SLIT3: variants seen among roughly 807,000 people sequenced by gnomAD.
SLIT3 encodes the protein slit homolog 3 protein.
SLIT3 carries 68 observed loss-of-function variants against 184.0 expected under a neutral mutation model. The ratio of observed to expected loss-of-function variants is 0.37; its 90% CI spans 0.30 to 0.45. SLIT3 has a LOEUF of 0.45. Among genes scored for constraint, SLIT3 ranks in the 20% least tolerant of loss-of-function variants. SLIT3 has a pLI of 1.00. For missense variants in SLIT3, 1,707 were observed against 2,026.0 expected (o/e 0.84, Z 3.02); for synonymous variants, 831 against 828.6 (o/e 1.00, Z -0.05).
At chr5:169,225,629 G>A (rs1269386437) in intron 3 of SLIT3, among the ~76,000 whole-genome samples, 1 of 152,218 alleles carries the variant, frequency 6.6e-6, no homozygotes, top group African/African-American at 2.4e-5. Context: ...GTGGGGCCAC[G>A]CCCGAGGGGC....
At chr5:169,194,311 C>T (rs1186859299) in intron 3 of SLIT3, among the ~76,000 whole-genome samples, 1 of 148,432 alleles carries the variant, frequency 6.7e-6, no homozygotes, top group Non-Finnish European at 1.5e-5. Flanking sequence ...ATTCAGGATC[C>T]TAAACAGTGA....
chr5:168,724,290 G>A, intron 21 of SLIT3, 126 bp downstream of exon 21: 1 of 597,508 alleles, frequency 1.7e-6, no homozygotes, highest in South Asian at 2.8e-5. Context: ...GTCCTAAGCA[G>A]ACAGGCATCT....
At chr5:168,695,139 A>G (rs1441639372) in intron 28 of SLIT3, among the ~76,000 whole-genome samples, 1 of 152,170 alleles carries the variant, frequency 6.6e-6, no homozygotes, top group African/African-American at 2.4e-5. Flanking sequence ...TGCCATCTTC[A>G]AGGATGCTTC....
At chr5:168,726,215 T>G (rs1763102419) in intron 20 of SLIT3, among the ~76,000 whole-genome samples, 2 of 151,734 alleles carry the variant, frequency 1.3e-5, no homozygotes, top group Non-Finnish European at 2.9e-5. Flanking sequence ...AATGCATTCA[T>G]TCATGCATGC....
intron 4 of SLIT3, among the ~76,000 whole-genome samples, chr5:169,088,186 A>G (rs1005752723): frequency 2.0e-5 from 3 of 152,194 alleles, no homozygotes; most frequent in Non-Finnish European, 2.9e-5. Flanking sequence ...GGGACTGAGC[A>G]ACTCTATCTC....
chr5:168,701,442 G>A (rs1187309863), intron 26 of SLIT3, among the ~76,000 whole-genome samples: 4 of 152,210 alleles, frequency 2.6e-5, no homozygotes, highest in African/African-American at 9.7e-5. Flanking sequence ...TCAGGGTGGT[G>A]TGGGATTCTT....
chr5:168,746,805 C>CGGTGTGTGGT (rs1237878538), intron 20 of SLIT3, among the ~76,000 whole-genome samples: 3 of 14,580 alleles, frequency 2.1e-4, no homozygotes, highest in Non-Finnish European at 2.6e-4. Context: ...GTGGGTGTGG[C>CGGTGTGTGGT]GGTGTGTGGT....
intron 3 of SLIT3, among the ~76,000 whole-genome samples, chr5:169,195,084 G>C (rs1278712160): frequency 6.6e-6 from 1 of 152,056 alleles, no homozygotes; most frequent in African/African-American, 2.4e-5. Context: ...AATTGAGTAT[G>C]GCCTATTACA....
intron 4 of SLIT3, among the ~76,000 whole-genome samples, chr5:168,941,684 C>A (rs945600273): frequency 2.0e-5 from 3 of 152,146 alleles, no homozygotes; most frequent in Non-Finnish European, 2.9e-5. Context: ...AAAATTCTCA[C>A]GGATCATGAT....
intron 6 of SLIT3, among the ~76,000 whole-genome samples, chr5:168,823,912 C>CTGTATTTTCTAG (rs1366220047): frequency 6.6e-6 from 1 of 152,122 alleles, no homozygotes; most frequent in Non-Finnish European, 1.5e-5. Flanking sequence ...ATAGGTGATT[C>CTGTATTTTCTAG]TGTATTTTCT....
At chr5:168,931,961 GT>G (rs1761998962) in intron 4 of SLIT3, among the ~76,000 whole-genome samples, 1 of 152,182 alleles carries the variant, frequency 6.6e-6, no homozygotes, top group Admixed American at 6.5e-5. Flanking sequence ...TAACAGAACT[GT>G]GGGGAAGGGA....
chr5:169,034,736 A>C (rs1757165080), intron 4 of SLIT3, among the ~76,000 whole-genome samples: 3 of 149,176 alleles, frequency 2.0e-5, no homozygotes, highest in Admixed American at 6.7e-5. Flanking sequence ...ATTTTTAAAC[A>C]TTTCCTATGA....
intron 1 of SLIT3, among the ~76,000 whole-genome samples, chr5:169,260,261 A>G (rs1237091850): frequency 1.3e-5 from 2 of 152,156 alleles, no homozygotes; most frequent in African/African-American, 4.8e-5. Flanking sequence ...TTCATTTACC[A>G]CCAGCAAAGA....
intron 25 of SLIT3, among the ~76,000 whole-genome samples, chr5:168,709,343 G>A (rs1037336421): frequency 3.9e-5 from 6 of 152,088 alleles, no homozygotes; most frequent in South Asian, 2.1e-4. Context: ...TGATCTGCCC[G>A]CCTCAGCCTC....
At chr5:169,042,870 G>A (rs1191863011) in intron 4 of SLIT3, among the ~76,000 whole-genome samples, 1 of 152,060 alleles carries the variant, frequency 6.6e-6, no homozygotes, top group Non-Finnish European at 1.5e-5. Context: ...AACTGGAAAC[G>A]ATCTGTCCAT....
intron 31 of SLIT3, among the ~76,000 whole-genome samples, chr5:168,685,128 T>C (rs899367469): frequency 2.0e-5 from 3 of 152,182 alleles, no homozygotes; most frequent in Non-Finnish European, 4.4e-5. Flanking sequence ...TTTTTATTTT[T>C]AGTAGAGACT....
intron 26 of SLIT3, 23 bp from the exon 27 acceptor site, chr5:168,700,702 G>GTCCCCCTAACCAGGTGCTTCTCC: frequency 1.3e-6 from 2 of 1,594,428 alleles, no homozygotes; most frequent in Non-Finnish European, 1.7e-6. Context: ...AGAGGGAGAA[G>GTCCCCCTAACCAGGTGCTTCTCC]CACCTGGTTA....
intron 4 of SLIT3, among the ~76,000 whole-genome samples, chr5:168,907,726 C>A (rs1197470488): frequency 6.6e-6 from 1 of 151,734 alleles, no homozygotes; most frequent in Non-Finnish European, 1.5e-5. Context: ...TTCAAAATAA[C>A]CACTGTAAAT....
rs188166018 is a variant in SLIT3, at chr5:168,901,359, G to A, written c.414-18023C>T. 4.8e-3 allele frequency among the ~76,000 whole-genome samples: 467 copies of A among 97,216 alleles called. 3 individuals are homozygous for A. The highest frequency in any genetic ancestry group is 9.7e-3 in the African/African-American group (322 of 33,052). 63.8% of individuals were successfully genotyped at this position (97,216 alleles called of 152,430 possible). ...AGCCTGGGTGACAGAGTGAGACTCC[G>A]TCTCAAAACAAAACAAAACAAAACA... On this transcript the variant is annotated intron_variant, in intron 4 of 35. Coordinates refer to ENST00000519560, the MANE Select transcript of SLIT3 (RefSeq NM_003062.4).
Sources: allele counts gnomAD v4.1 joint callset (sites outside exome capture counted in the v4.1 genomes callset), GRCh38; gene constraint gnomAD v4.1.1; transcripts MANE v1.5; gene names NCBI Gene and HGNC (gene_info 2026-07-23, HGNC 2026-07-21).